CLIP1: variants seen among roughly 807,000 people sequenced by gnomAD.
CLIP1 encodes the protein CAP-Gly domain-containing linker protein 1.
CLIP1 carries 66 observed loss-of-function variants against 161.6 expected under a neutral mutation model. The observed-to-expected ratio is 0.41, with a 90% CI of 0.33 to 0.50. The LOEUF is 0.50. CLIP1 is among the 20% of genes least tolerant of loss of function. The probability of loss-of-function intolerance (pLI) is 0.27; values close to 1 mark genes in which losing one functional copy is unlikely to be tolerated. For synonymous variants in CLIP1, 598 were observed against 626.2 expected (o/e 0.96, Z 0.67); for missense variants, 1,376 against 1,702.0 (o/e 0.81, Z 3.37).
At chr12:122,404,093 C>T (rs1593256446) in intron 1 of CLIP1, among the ~76,000 whole-genome samples, 1 of 152,202 alleles carries the variant, frequency 6.6e-6, no homozygotes. Flanking sequence ...GTGACAGACA[C>T]CTAAGAGCAT....
chr12:122,333,555 T>A (rs1952083809), intron 14 of CLIP1, among the ~76,000 whole-genome samples: 1 of 152,166 alleles, frequency 6.6e-6, no homozygotes, highest in Non-Finnish European at 1.5e-5. Flanking sequence ...GGGTCCCAGA[T>A]GAAATCCGAG....
At chr12:122,297,670 G>A (rs1227263734) in intron 20 of CLIP1, among the ~76,000 whole-genome samples, 1 of 152,058 alleles carries the variant, frequency 6.6e-6, no homozygotes, top group African/African-American at 2.4e-5. Flanking sequence ...TTCTAGTCTC[G>A]CCTCCCACAC....
Position 122,355,203 on chromosome 12 carries a change from T to G in CLIP1, c.1115A>C (p.Asp372Ala), listed in dbSNP as rs1953272083. Residue 372 changes from aspartate to alanine, a missense_variant, in exon 6 of 26, where the codon GAT becomes GCT. Around this residue, in one of 6 missense-constraint regions of CLIP1, gnomAD observed 211 missense variants for 295.1 expected, o/e 0.72. Coordinates refer to ENST00000620786, the MANE Select transcript of CLIP1 (RefSeq NM_001247997.2). The surrounding 1 kb of genome is among the most constrained non-coding windows in gnomAD (Gnocchi z 4.1). Reference protein sequence around the residue: ...QHIEQLLAERDLERAEVAKAT... With the variant: ...QHIEQLLAERALERAEVAKAT... ...CTTGGCCACCTCCGCCCTCTCCAGA[T>G]CCCGTTCCGCCAGCAGCTGCTCAAT... is the stretch of plus-strand genomic sequence containing the variant. The G allele has an allele frequency of 6.2e-6, 10 of 1,614,076 alleles. No homozygotes were observed. The highest frequency in any genetic ancestry group is 8.5e-6 in the Non-Finnish European group (10 of 1,180,032).
At position 122,341,173 on chromosome 12, in the gene CLIP1, C is replaced by T. The variant is rs1952479955; in HGVS notation, c.2031G>A (p.Leu677=). The part of the protein sequence containing the change: ...RLDYQHEIEN[L]QNQQDSERAA... ...CCCGTTCAGAGTCTTGTTGATTCTG[C>T]AAATTTTCTATTTCGTGTTGGTAAT... Residue 677 remains leucine (L), a synonymous_variant, in exon 11 of 26, where the codon TTG becomes TTA. Coordinates refer to ENST00000620786, the MANE Select transcript of CLIP1 (RefSeq NM_001247997.2). 1.3e-5 allele frequency: 21 copies of T among 1,614,174 alleles called. No individual in the cohort carries two copies. Among genetic ancestry groups the T allele is most frequent in the Non-Finnish European group, 1.7e-5 (20 of 1,180,028 alleles).
At chr12:122,324,335 A>G (rs573300820) in intron 17 of CLIP1, 1 of 152,666 alleles carries the variant, frequency 6.6e-6, no homozygotes, top group Admixed American at 6.5e-5. Context: ...CTCTTCTGAC[A>G]TTAGTTCAAT....
intron 1 of CLIP1, among the ~76,000 whole-genome samples, chr12:122,402,225 AGGGC>A (rs1956168069): frequency 2.0e-5 from 3 of 152,096 alleles, no homozygotes; most frequent in Non-Finnish European, 4.4e-5. Flanking sequence ...AATGTAATCA[AGGGC>A]TGGGCACGGT....
At chr12:122,396,373 C>T (rs1244358168) in intron 1 of CLIP1, among the ~76,000 whole-genome samples, 1 of 152,050 alleles carries the variant, frequency 6.6e-6, no homozygotes, top group Non-Finnish European at 1.5e-5. Context: ...TTGTTTCCTC[C>T]CTCTTAAGAG....
chr12:122,378,288 C>G (rs886755126), intron 2 of CLIP1, among the ~76,000 whole-genome samples: 1 of 152,024 alleles, frequency 6.6e-6, no homozygotes, highest in South Asian at 2.1e-4. Flanking sequence ...GGTCTCACCA[C>G]GTTGGCCAGG....
chr12:122,341,168 T>G lies in CLIP1; in HGVS notation c.2036A>C (p.Asn679Thr). The part of the protein sequence containing the change: ...DYQHEIENLQ[N>T]QQDSERAAHA... ...GGCAGCCCGTTCAGAGTCTTGTTGA[T>G]TCTGCAAATTTTCTATTTCGTGTTG... Residue 679 changes from asparagine to threonine, a missense_variant, in exon 11 of 26, where the codon AAT (asparagine) becomes ACT (threonine). Physicochemically the swap from Asn to Thr is moderately conservative, Grantham distance 65. Around this residue, in one of 6 missense-constraint regions of CLIP1, gnomAD observed 948 missense variants for 1,134.8 expected, o/e 0.84. Coordinates refer to ENST00000620786, the MANE Select transcript of CLIP1 (RefSeq NM_001247997.2). 6.2e-6 allele frequency: 10 copies of G among 1,614,204 alleles called. No individual in the cohort carries two copies. Among genetic ancestry groups the G allele is most frequent in the Non-Finnish European group, 7.6e-6 (9 of 1,180,026 alleles).
At chr12:122,361,729 G>A (rs1345119433) in intron 4 of CLIP1, among the ~76,000 whole-genome samples, 2 of 152,154 alleles carry the variant, frequency 1.3e-5, no homozygotes, top group African/African-American at 4.8e-5. Context: ...AGCCAGGCAT[G>A]GTGGTGCAGG....
chr12:122,320,130 T>C (rs1254926936), intron 17 of CLIP1, among the ~76,000 whole-genome samples: 2 of 151,866 alleles, frequency 1.3e-5, no homozygotes, highest in East Asian at 3.9e-4. Flanking sequence ...AAAAACTAGC[T>C]GGCCGTGGTG....
At chr12:122,350,583 T>TGCACTGGCAG (rs1247250849) in intron 9 of CLIP1, among the ~76,000 whole-genome samples, 4 of 152,136 alleles carry the variant, frequency 2.6e-5, no homozygotes, top group East Asian at 3.9e-4. Flanking sequence ...TCTCATCAGC[T>TGCACTGGCAG]GCACTGGCAG....
At chr12:122,275,640 A>ACGCGCG (rs765638548) in intron 24 of CLIP1, 68 of 86,396 alleles carry the variant, frequency 7.9e-4, no homozygotes, top group African/African-American at 2.3e-3. Flanking sequence ...ACACACACAC[A>ACGCGCG]CGCGCACACA....
At chr12:122,303,088 A>C (rs1040219844) in intron 20 of CLIP1, among the ~76,000 whole-genome samples, 2 of 152,180 alleles carry the variant, frequency 1.3e-5, no homozygotes, top group African/African-American at 4.8e-5. Context: ...TGATTTATTT[A>C]GTAGTCTTGA....
chr12:122,329,152 C>T (rs1045890143), intron 15 of CLIP1, among the ~76,000 whole-genome samples: 3 of 152,006 alleles, frequency 2.0e-5, no homozygotes, highest in Non-Finnish European at 4.4e-5. Flanking sequence ...CATGGCGAAA[C>T]CCCGTCTCTA....
intron 5 of CLIP1, among the ~76,000 whole-genome samples, chr12:122,358,446 A>G (rs1270785977): frequency 1.7e-5 from 1 of 58,842 alleles, no homozygotes; most frequent in East Asian, 6.5e-4. Flanking sequence ...TAAAAAAAAA[A>G]AAAGAAAAAA....
At chr12:122,386,526 TC>T (rs1955267503) in intron 1 of CLIP1, among the ~76,000 whole-genome samples, 1 of 152,180 alleles carries the variant, frequency 6.6e-6, no homozygotes, top group African/African-American at 2.4e-5. Context: ...ATTTGGATAG[TC>T]AAGTCAGTGT....
chr12:122,319,197 G>A, intron 18 of CLIP1, 35 bp downstream of exon 18: 2 of 1,394,186 alleles, frequency 1.4e-6, no homozygotes, highest in Non-Finnish European at 2.0e-6. Context: ...TTGGTAAGCT[G>A]TTCTTTGTAT....
chr12:122,342,859 T>C (rs896997012), intron 10 of CLIP1: 7 of 151,310 alleles, frequency 4.6e-5, no homozygotes, highest in Non-Finnish European at 7.4e-5. Flanking sequence ...AAATTATATT[T>C]TAAAATGTTT....
Sources: gnomAD v4.1 joint callset for allele counts (sites outside exome capture counted in the v4.1 genomes callset) on GRCh38, gnomAD v4.1.1 for gene constraint, gnomAD v4.1.1 regional missense constraint, Gnocchi (gnomAD v3.1) non-coding constraint, MANE v1.5 for transcripts, NCBI Gene and HGNC (gene_info 2026-07-23, HGNC 2026-07-21) for gene names.